The following INSC variants were observed in gnomAD, a reference collection of about 807,000 sequenced individuals.
INSC encodes INSC spindle orientation adaptor protein.
In INSC, 67 loss-of-function variants were observed where a neutral mutation model predicts 58.6. The observed-to-expected ratio is 1.14, with a 90% confidence interval of 0.94 to 1.40. The LOEUF is 1.40. Among genes scored for constraint, INSC ranks in the 40% most tolerant of loss-of-function variants. The pLI is 0.00. For missense variants in INSC, 714 were observed against 692.0 expected, an observed-to-expected ratio of 1.03 and a Z score of -0.36; for synonymous variants, 262 against 276.1, an observed-to-expected ratio of 0.95 and a Z score of 0.51.
chr11:15,175,671 G>A, intron 2 of INSC, 70 bp from the exon 3 acceptor site: 3 of 1,185,738 alleles, frequency 2.5e-6, no homozygotes, highest in Non-Finnish European at 2.4e-6. Flanking sequence ...AATATCAGAT[G>A]GCCTAGAATT....
the INSC span, among the ~76,000 whole-genome samples, chr11:15,256,491 A>AGTTTTT: frequency 2.8e-5 from 4 of 141,976 alleles, no homozygotes; most frequent in Non-Finnish European, 3.1e-5. Flanking sequence ...ATTTCATTTC[A>AGTTTTT]TTTTTTTTTT....
chr11:15,254,293 G>T, the INSC span, among the ~76,000 whole-genome samples: 1 of 152,182 alleles, frequency 6.6e-6, no homozygotes, highest in Non-Finnish European at 1.5e-5. Context: ...GCTAGATGTG[G>T]TGCTGGATCT....
At chr11:15,124,281 T>TG (rs1847938662) in intron 1 of INSC, among the ~76,000 whole-genome samples, 2 of 152,178 alleles carry the variant, frequency 1.3e-5, no homozygotes, top group African/African-American at 4.8e-5. Flanking sequence ...GGTCTAGGGC[T>TG]GGGCTGGGTA....
At chr11:15,120,774 T>C (rs1847852491) in intron 1 of INSC, among the ~76,000 whole-genome samples, 1 of 152,212 alleles carries the variant, frequency 6.6e-6, no homozygotes, top group Non-Finnish European at 1.5e-5. Context: ...TGATTGAATA[T>C]GGGCTCACTT....
Position 15,245,959 on chromosome 11 carries a change from C to T in INSC, c.1518C>T (p.Asp506=). ...GGGTCTGCCCTGAAGGCCTCCAGGA[C>T]TCTGACTTTCAGCAGTTGGTCCAGC... is the stretch of plus-strand genomic sequence containing the variant. ...LAGVCPEGLQ[D]SDFQQLVQPR... is the part of the protein sequence containing the mutation. The change falls in exon 13 of 13, where the codon GAC becomes GAT. Residue 506 remains aspartate, a synonymous_variant. Transcript: ENST00000379556. 1 of 1,614,188 alleles carries T rather than the reference C, an allele frequency of 6.2e-7. No homozygotes were observed. Among genetic ancestry groups the T allele is most frequent in the South Asian group, 1.1e-5 (1 of 91,080 alleles).
Position 15,175,800 on chromosome 11 carries a change from C to A in INSC, c.116C>A (p.Thr39Asn), listed in dbSNP as rs778432247. The part of the protein sequence containing the change: ...QRWMEDLKLM[T>N]ECECMCVLQA... ...TGGATGGAAGATCTGAAGCTCATGA[C>A]CGAGTGCGAGTGCATGTGTGTCCTG... is the stretch of plus-strand genomic sequence containing the variant. Residue 39 changes from threonine (T) to asparagine (N), a missense_variant, in exon 3 of 13, where the codon ACC becomes AAC. Coordinates refer to ENST00000379556, the MANE Select transcript of INSC (RefSeq NM_001042536.3). 7.5e-6 allele frequency: 12 copies of A among 1,603,544 alleles called. No homozygotes were observed. In the Admixed American group the frequency reaches 2.0e-4, roughly 27 times the overall value.
intron 12 of INSC, among the ~76,000 whole-genome samples, chr11:15,243,039 G>A (rs1296859451): frequency 6.6e-6 from 1 of 152,190 alleles, no homozygotes; most frequent in Admixed American, 6.5e-5. Flanking sequence ...AACCTTCCCA[G>A]GGCAGAGGAC....
chr11:15,186,835 G>A (rs957837488), intron 5 of INSC, among the ~76,000 whole-genome samples: 2 of 151,958 alleles, frequency 1.3e-5, no homozygotes, highest in African/African-American at 4.8e-5. Flanking sequence ...GATCTCTGTG[G>A]TCTTTTCCTG....
intron 3 of INSC, 113 bp downstream of exon 3, chr11:15,176,199 C>G: frequency 2.4e-6 from 2 of 834,386 alleles, no homozygotes; most frequent in Non-Finnish European, 3.6e-6. Context: ...AGCCTTTCTC[C>G]CCTTCCAGTA....
intron 2 of INSC, among the ~76,000 whole-genome samples, chr11:15,155,629 C>T (rs1171540427): frequency 6.6e-6 from 1 of 152,190 alleles, no homozygotes; most frequent in Non-Finnish European, 1.5e-5. Context: ...TTTTGGAGGT[C>T]ACTTCCAAGT....
chr11:15,221,504 A>G lies in INSC; in HGVS notation c.847A>G (p.Ile283Val). The G allele has an allele frequency of 6.2e-7, 1 of 1,613,030 alleles. No homozygotes were observed. The highest frequency in any genetic ancestry group is 1.7e-4 in the Middle Eastern group (1 of 6,060). The change falls in exon 8 of 13, where the codon ATC becomes GTC. Residue 283 changes from isoleucine to valine, a missense_variant. By Grantham distance (29) the Ile-to-Val change is conservative (BLOSUM62 3). Transcript: ENST00000379556. ...KVDGVLCLAD[I>V]LTDNSHSEAT... is the part of the protein sequence containing the mutation. ...GGATGGCGTTCTGTGCTTGGCCGAC[A>G]TCCTGACCGACAACAGCCACTCAGA...
chr11:15,111,568 C>T (rs961439096), upstream of INSC, among the ~76,000 whole-genome samples: 7 of 152,086 alleles, frequency 4.6e-5, no homozygotes, highest in Non-Finnish European at 1.0e-4. Flanking sequence ...GTGAAATAAG[C>T]TATTTGTGGG....
At chr11:15,177,263 G>C in intron 4 of INSC, 100 bp downstream of exon 4, 2 of 879,198 alleles carry the variant, frequency 2.3e-6, no homozygotes, top group Non-Finnish European at 3.8e-6. Context: ...AATGGGAGGC[G>C]TGGTGGTGGT....
intron 1 of INSC, among the ~76,000 whole-genome samples, chr11:15,123,690 G>A (rs1222926607): frequency 2.0e-5 from 3 of 152,166 alleles, no homozygotes; most frequent in Non-Finnish European, 4.4e-5. Flanking sequence ...CCCTGGAGGA[G>A]ATGGCTAAGT....
intron 9 of INSC, among the ~76,000 whole-genome samples, chr11:15,231,693 G>A (rs1851931573): frequency 6.6e-6 from 1 of 152,206 alleles, no homozygotes; most frequent in South Asian, 2.1e-4. Context: ...CCTAATTTCT[G>A]CACAGCATAA....
At chr11:15,224,926 C>A (rs1419084441) in intron 8 of INSC, among the ~76,000 whole-genome samples, 1 of 152,128 alleles carries the variant, frequency 6.6e-6, no homozygotes, top group Non-Finnish European at 1.5e-5. Flanking sequence ...TATCCTGGGA[C>A]CAAAAGGAAG....
At chr11:15,237,279 G>T (rs1426769781) in intron 10 of INSC, among the ~76,000 whole-genome samples, 1 of 152,152 alleles carries the variant, frequency 6.6e-6, no homozygotes, top group African/African-American at 2.4e-5. Flanking sequence ...TGCAACAGAG[G>T]GAGGTTGGCA....
intron 1 of INSC, among the ~76,000 whole-genome samples, chr11:15,140,776 G>A (rs188040502): frequency 2.6e-5 from 4 of 151,792 alleles, no homozygotes; most frequent in Admixed American, 2.6e-4. Flanking sequence ...GTAGAGATGG[G>A]GTCTTGCTAT....
At chr11:15,173,979 A>C (rs1384129576) in intron 2 of INSC, among the ~76,000 whole-genome samples, 2 of 152,156 alleles carry the variant, frequency 1.3e-5, no homozygotes, top group Non-Finnish European at 2.9e-5. Flanking sequence ...GGCTGGCCTC[A>C]TTGGTGCCCT....
Sources: gnomAD v4.1 joint callset for allele counts (sites outside exome capture counted in the v4.1 genomes callset) on GRCh38, gnomAD v4.1.1 for gene constraint, MANE v1.5 for transcripts, NCBI Gene and HGNC (gene_info 2026-07-23, HGNC 2026-07-21) for gene names.